The following ANKRD33B variants were observed in gnomAD, a reference collection of about 807,000 sequenced individuals.
ANKRD33B encodes ankyrin repeat domain-containing protein 33B.
In ANKRD33B, 6 loss-of-function variants were observed where a neutral mutation model predicts 21.5. That is an observed-to-expected ratio of 0.28 (90% CI 0.15 to 0.55). The LOEUF (loss-of-function observed/expected upper bound fraction) is 0.55. Ranked by LOEUF, ANKRD33B falls within the 20% of genes least tolerant of loss-of-function variation. ANKRD33B has a pLI of 0.94. For synonymous variants in ANKRD33B, 347 were observed against 342.4 expected, an observed-to-expected ratio of 1.01 and a Z score of -0.15; for missense variants, 698 against 747.2, an observed-to-expected ratio of 0.93 and a Z score of 0.77.
chr5:10,596,540 G>C (rs558227472), intron 1 of ANKRD33B, among the ~76,000 whole-genome samples: 1 of 152,278 alleles, frequency 6.6e-6, no homozygotes, highest in East Asian at 1.9e-4. Context: ...TGGTATATAA[G>C]ATTATGTAAA....
intron 3 of ANKRD33B, among the ~76,000 whole-genome samples, chr5:10,645,439 A>T (rs1737170146): frequency 6.6e-6 from 1 of 151,156 alleles, no homozygotes; most frequent in Non-Finnish European, 1.5e-5. Context: ...AGAATGAGTG[A>T]TGGAAAGTAT....
At chr5:10,610,111 C>T (rs961587414) in intron 1 of ANKRD33B, among the ~76,000 whole-genome samples, 2 of 152,146 alleles carry the variant, frequency 1.3e-5, no homozygotes, top group South Asian at 2.1e-4. Context: ...TTTAAGCATC[C>T]GATTGGTGAA....
Position 10,656,483 on chromosome 5 carries a change from C to A in ANKRD33B, c.*6370C>A. ...AAAGGGACACTGGGCTTTGTGCTGG[C>A]AAAGGTTACGATGCTGCTGTAGCTT... On this transcript the variant is annotated 3_prime_UTR_variant, in exon 4 of 4. Coordinates refer to ENST00000296657, the MANE Select transcript of ANKRD33B (RefSeq NM_001164440.2). 1 of 152,650 alleles carries A rather than the reference C, an allele frequency of 6.6e-6. No homozygotes were observed. Among genetic ancestry groups the A allele is most frequent in the Non-Finnish European group, 1.5e-5 (1 of 68,206 alleles). 9.5% of individuals were successfully genotyped at this position (152,650 alleles called of 1,614,324 possible).
intron 1 of ANKRD33B, 135 bp downstream of exon 1, chr5:10,564,968 T>C: frequency 1.6e-6 from 2 of 1,262,456 alleles, no homozygotes; most frequent in Non-Finnish European, 2.1e-6. Context: ...AGAGCGCCTT[T>C]TCCCCGCTGT....
intron 2 of ANKRD33B, among the ~76,000 whole-genome samples, chr5:10,626,297 T>C: frequency 6.6e-6 from 1 of 152,246 alleles, no homozygotes; most frequent in East Asian, 1.9e-4. Context: ...ACAGAATTGC[T>C]TCAGCAAGGG....
rs570742268 is a variant in ANKRD33B, at chr5:10,564,620, C to T, written c.153C>T (p.Ser51=). 383 of 1,535,052 alleles carry T rather than the reference C, an allele frequency of 2.5e-4. No individual in the cohort carries two copies. Among genetic ancestry groups the T allele is most frequent in the Middle Eastern group, 6.6e-4 (3 of 4,580 alleles). The change falls in exon 1 of 4, where the codon AGC becomes AGT. Residue 51 remains serine (S), a synonymous_variant. Transcript: ENST00000296657. The part of the protein sequence containing the change: ...EDFSSLPDTR[S]IASDDSFYPF... ...TCTCGAGTCTGCCAGACACCCGCAG[C>T]ATCGCCTCGGACGACTCTTTCTACC...
rs370292818 is a variant in ANKRD33B, at chr5:10,579,561, G to C, written c.366+14728G>C. Among the ~76,000 whole-genome samples, 226 of 152,136 alleles carry C rather than the reference G, an allele frequency of 1.5e-3. 2 individuals carry two copies. The highest frequency in any genetic ancestry group is 4.6e-3 in the African/African-American group (190 of 41,504). The stretch of plus-strand genomic sequence containing the variant: ...AGTCACTTTCACTCAAAAAATACCA[G>C]GTTCTTTACCTGGAAAATTAATCAG... On this transcript the variant is annotated intron_variant, in intron 1 of 3. Transcript: ENST00000296657.
rs372593799 is a variant in ANKRD33B, at chr5:10,639,981, A to G, written c.637+1813A>G. ...GCGGTGATGTTAGCGGGTGACGCGG[A>G]GTTGCGCGGCGATGTTAGCGGGTGA... is the stretch of plus-strand genomic sequence containing the variant. On this transcript the variant is annotated intron_variant, in intron 3 of 3. Transcript: ENST00000296657. Among the ~76,000 whole-genome samples the G allele has an allele frequency of 3.7e-4, 23 of 61,576 alleles. 5 individuals are homozygous for G. Among genetic ancestry groups the G allele is most frequent in the Non-Finnish European group, 2.2e-4 (6 of 26,684 alleles). 40.4% of individuals were successfully genotyped at this position (61,576 alleles called of 152,430 possible). A position where few individuals can be genotyped will look rare whatever the true frequency, so the allele number is the denominator to read the frequency against.
chr5:10,579,766 G>A (rs1463505394), intron 1 of ANKRD33B, among the ~76,000 whole-genome samples: 1 of 151,806 alleles, frequency 6.6e-6, no homozygotes, highest in Non-Finnish European at 1.5e-5. Context: ...TCCCCAAAAA[G>A]CATAGTAAAA....
chr5:10,649,657 G>A lies in ANKRD33B; in HGVS notation c.1029G>A (p.Gln343=), dbSNP rs1308852020. The change falls in exon 4 of 4, where the codon CAG becomes CAA. Residue 343 remains glutamine, a synonymous_variant. Transcript: ENST00000296657. ...TGGGGAAGAGGCGGCTGGCGGTGCA[G>A]GAGATCCTGGCGGCGCGGGCTGCAC... ...PSVGKRRLAV[Q]EILAARAARG... is the part of the protein sequence containing the mutation. 1.3e-6 allele frequency: 2 copies of A among 1,530,556 alleles called. No homozygotes were observed. Among genetic ancestry groups the A allele is most frequent in the Non-Finnish European group, 1.7e-6 (2 of 1,144,528 alleles). 94.8% of individuals were successfully genotyped at this position (1,530,556 alleles called of 1,614,324 possible).
In ANKRD33B at chr5:10,652,791, TG is replaced by T; in HGVS notation, c.*2682del. The T allele has an allele frequency of 3.5e-6, 1 of 283,922 alleles. No individual in the cohort carries two copies. Among genetic ancestry groups the T allele is most frequent in the South Asian group, 3.2e-5 (1 of 30,934 alleles). The allele number at this position is 283,922 out of a possible 1,614,324, so 17.6% of individuals were successfully genotyped here. On this transcript the variant is annotated 3_prime_UTR_variant, in exon 4 of 4. Transcript: ENST00000296657. The surrounding 1 kb of genome is among the most constrained non-coding windows in gnomAD (Gnocchi z 4.1). ...CCTCATCCAGGTGCACAGGATACTC[TG>T]GGGCCAGCACAGGGATTGTCCAGTG...
chr5:10,579,766 G>C (rs1463505394), intron 1 of ANKRD33B, among the ~76,000 whole-genome samples: 1 of 151,806 alleles, frequency 6.6e-6, no homozygotes, highest in African/African-American at 2.4e-5. Flanking sequence ...TCCCCAAAAA[G>C]CATAGTAAAA....
At chr5:10,568,658 C>T (rs1735110608) in intron 1 of ANKRD33B, among the ~76,000 whole-genome samples, 1 of 152,234 alleles carries the variant, frequency 6.6e-6, no homozygotes, top group African/African-American at 2.4e-5. Context: ...CCTCAGCTTC[C>T]CACATACCTG....
intron 1 of ANKRD33B, among the ~76,000 whole-genome samples, chr5:10,566,564 C>T (rs1186382006): frequency 1.3e-5 from 2 of 152,208 alleles, no homozygotes; most frequent in Non-Finnish European, 2.9e-5. Context: ...CTGGCTCGCC[C>T]AGTCCCCACT....
intron 1 of ANKRD33B, among the ~76,000 whole-genome samples, chr5:10,596,008 T>C (rs928351432): frequency 6.6e-6 from 1 of 152,200 alleles, no homozygotes; most frequent in Non-Finnish European, 1.5e-5. Context: ...GAAAATATCA[T>C]GTTTCGCCTA....
rs749837253 is a variant in ANKRD33B at position 10,591,194 on chromosome 5, G to GTTTTTTTTTTTTT, written c.366+26361_366+26362insTTTTTTTTTTTTT. On this transcript the variant is annotated intron_variant, in intron 1 of 3. Transcript: ENST00000296657. ...AATAGTCATCTACATTTTTTTTAGT[G>GTTTTTTTTTTTTT]GTTTTTTTTTTTTTTTGAGATGGAG... Among the ~76,000 whole-genome samples, 96 of 113,464 alleles carry GTTTTTTTTTTTTT rather than the reference G, an allele frequency of 8.5e-4. 12 individuals are homozygous for GTTTTTTTTTTTTT. The highest frequency in any genetic ancestry group is 6.5e-3 in the Middle Eastern group (1 of 154). The allele number at this position is 113,464 out of a possible 152,430, so 74.4% of individuals were successfully genotyped here. A position where few individuals can be genotyped will look rare whatever the true frequency, so the allele number is the denominator to read the frequency against.
chr5:10,619,218 C>T lies in ANKRD33B; in HGVS notation c.496+756C>T, dbSNP rs575004658. ...CCTCCAAAGATTCTGTCTGTTTCAT[C>T]GGTCAAGTTCTCAGTTGCAAGCAAA... On this transcript the variant is annotated intron_variant, in intron 2 of 3. Coordinates refer to ENST00000296657, the MANE Select transcript of ANKRD33B (RefSeq NM_001164440.2). The surrounding 1 kb of genome is among the most constrained non-coding windows in gnomAD (Gnocchi z 4.5). The T allele has an allele frequency of 4.9e-5, 38 of 776,776 alleles. No individual in the cohort carries two copies. The highest frequency in any genetic ancestry group is 6.6e-4 in the Middle Eastern group (1 of 1,526). 48.1% of individuals were successfully genotyped at this position (776,776 alleles called of 1,614,324 possible).
rs553411945 is a variant in ANKRD33B, at chr5:10,607,549, G to A, written c.367-10784G>A. On this transcript the variant is annotated intron_variant, in intron 1 of 3. Coordinates refer to ENST00000296657, the MANE Select transcript of ANKRD33B (RefSeq NM_001164440.2). ...AGGAAGAAATAGATAACGGAATAAC[G>A]CCAGTGAGTACTGCAGCTGAATCCA... 3.9e-5 allele frequency among the ~76,000 whole-genome samples: 6 copies of A among 152,338 alleles called. 1 individual carries two copies. The highest frequency in any genetic ancestry group is 6.8e-3 in the Middle Eastern group (2 of 294).
chr5:10,610,622 A>G (rs1012919559), intron 1 of ANKRD33B, among the ~76,000 whole-genome samples: 6 of 152,262 alleles, frequency 3.9e-5, no homozygotes, highest in Admixed American at 3.3e-4. Flanking sequence ...ACACTATAGC[A>G]GTCACGATGC....
Sources: allele counts gnomAD v4.1 joint callset (sites outside exome capture counted in the v4.1 genomes callset), GRCh38; gene constraint gnomAD v4.1.1; non-coding constraint Gnocchi (gnomAD v3.1); transcripts MANE v1.5; gene names NCBI Gene and HGNC (gene_info 2026-07-23, HGNC 2026-07-21).